SLC4A5: variants seen among roughly 807,000 people sequenced by gnomAD.
SLC4A5 encodes the protein solute carrier family 4 member 5.
A neutral mutation model predicts 120.4 loss-of-function variants in SLC4A5; 96 were observed. The observed-to-expected ratio is 0.80, with a 90% CI of 0.68 to 0.94. The LOEUF is 0.94. Among genes scored for constraint, SLC4A5 ranks in the 40% least tolerant of loss-of-function variants. The probability of loss-of-function intolerance (pLI) is 0.00; values close to 1 mark genes in which losing one functional copy is unlikely to be tolerated. For missense variants in SLC4A5, 1,259 were observed against 1,459.5 expected (o/e 0.86, Z 2.24); for synonymous variants, 550 against 571.1 (o/e 0.96, Z 0.53).
chr2:74,328,316 G>C (rs1481988396), intron 4 of SLC4A5, 130 bp from the exon 5 acceptor site: 2 of 316,826 alleles, frequency 6.3e-6, no homozygotes, highest in African/African-American at 4.5e-5. Flanking sequence ...GCTCCTGCAG[G>C]GTCAGGGATG....
intron 5 of SLC4A5, among the ~76,000 whole-genome samples, chr2:74,320,413 A>G (rs532630582): frequency 6.6e-6 from 1 of 152,318 alleles, no homozygotes; most frequent in African/African-American, 2.4e-5. Context: ...GAAAAAAATA[A>G]GTCATCTACC....
chr2:74,340,127 A>T (rs905157285), intron 2 of SLC4A5, among the ~76,000 whole-genome samples: 2 of 152,354 alleles, frequency 1.3e-5, no homozygotes, highest in African/African-American at 4.8e-5. Flanking sequence ...TGATGGTTGT[A>T]TTACAGAACA....
intron 8 of SLC4A5, among the ~76,000 whole-genome samples, chr2:74,275,831 GTGAGGAGACTGAGACCCTTAGAGGA>G: frequency 6.6e-6 from 1 of 152,300 alleles, no homozygotes; most frequent in South Asian, 2.1e-4. Flanking sequence ...CATTGTACAG[GTGAGGAGACTGAGACCCTTAGAGGA>G]TGAGGAGCCT....
At chr2:74,272,941 T>C (rs1053322729) in intron 8 of SLC4A5, among the ~76,000 whole-genome samples, 1 of 152,240 alleles carries the variant, frequency 6.6e-6, no homozygotes, top group African/African-American at 2.4e-5. Flanking sequence ...TCTATTCTAG[T>C]TGTCTCCTCA....
chr2:74,260,234 C>T (rs560498319), intron 11 of SLC4A5, among the ~76,000 whole-genome samples: 2 of 152,308 alleles, frequency 1.3e-5, no homozygotes, highest in South Asian at 2.1e-4. Flanking sequence ...ATCTGGTGGA[C>T]ACCCTCAGAC....
intron 8 of SLC4A5, among the ~76,000 whole-genome samples, chr2:74,271,588 C>G (rs535476451): frequency 9.9e-5 from 15 of 152,136 alleles, no homozygotes; most frequent in African/African-American, 3.1e-4. Context: ...TGGTATATAA[C>G]AAATGCCAAA....
At chr2:74,267,654 G>A (rs902776435) in intron 8 of SLC4A5, among the ~76,000 whole-genome samples, 4 of 152,298 alleles carry the variant, frequency 2.6e-5, no homozygotes, top group South Asian at 2.1e-4. Context: ...TTGTTGGGGC[G>A]GGATTTAAGA....
chr2:74,272,309 T>A (rs1671499041), intron 8 of SLC4A5, among the ~76,000 whole-genome samples: 1 of 152,192 alleles, frequency 6.6e-6, no homozygotes. Context: ...TTTGTATAAA[T>A]TTGAATTTTC....
chr2:74,281,037 C>CTTCTG (rs1671797731), intron 8 of SLC4A5, among the ~76,000 whole-genome samples: 1 of 152,202 alleles, frequency 6.6e-6, no homozygotes, highest in African/African-American at 2.4e-5. Flanking sequence ...GATAGTTCAG[C>CTTCTG]TTTCTCCATC....
chr2:74,291,112 C>T (rs1672153146), intron 7 of SLC4A5, among the ~76,000 whole-genome samples: 2 of 152,186 alleles, frequency 1.3e-5, no homozygotes, highest in Admixed American at 6.5e-5. Context: ...TGGTTTCTTT[C>T]CTCCCCAACT....
chr2:74,257,033 A>T (rs1670989301), intron 12 of SLC4A5, among the ~76,000 whole-genome samples: 1 of 152,138 alleles, frequency 6.6e-6, no homozygotes. Flanking sequence ...AGCCTCAGTG[A>T]AGACACAGCT....
intron 17 of SLC4A5, among the ~76,000 whole-genome samples, 170 bp downstream of exon 17, chr2:74,250,173 T>C (rs1348138216): frequency 6.6e-6 from 1 of 152,190 alleles, no homozygotes; most frequent in Non-Finnish European, 1.5e-5. Context: ...TCTTTTAATA[T>C]TGTCTTATTA....
intron 11 of SLC4A5, among the ~76,000 whole-genome samples, chr2:74,261,204 C>A (rs1671123735): frequency 6.6e-6 from 1 of 152,224 alleles, no homozygotes; most frequent in African/African-American, 2.4e-5. Flanking sequence ...TGGTTCCCAC[C>A]CCTAAGCAGT....
intron 21 of SLC4A5, among the ~76,000 whole-genome samples, chr2:74,236,576 A>C (rs981603418): frequency 2.6e-5 from 4 of 152,188 alleles, no homozygotes; most frequent in African/African-American, 9.7e-5. Flanking sequence ...CTGTAAGTCA[A>C]TTCCAAAAGT....
chr2:74,272,964 G>GT (rs1395564837), intron 8 of SLC4A5, among the ~76,000 whole-genome samples: 1 of 152,196 alleles, frequency 6.6e-6, no homozygotes, highest in Non-Finnish European at 1.5e-5. Flanking sequence ...TGGAAACTTC[G>GT]TAACTCCCAC....
At chr2:74,237,075 C>T (rs1401191439) in intron 21 of SLC4A5, among the ~76,000 whole-genome samples, 1 of 150,914 alleles carries the variant, frequency 6.6e-6, no homozygotes, top group African/African-American at 2.4e-5. Context: ...CTCCCGGGTT[C>T]ATGCCATTCT....
intron 19 of SLC4A5, among the ~76,000 whole-genome samples, chr2:74,245,765 C>T (rs1400073983): frequency 6.6e-6 from 1 of 152,222 alleles, no homozygotes; most frequent in Non-Finnish European, 1.5e-5. Flanking sequence ...GTAGGGCATA[C>T]AATAATTGTG....
intron 7 of SLC4A5, among the ~76,000 whole-genome samples, chr2:74,291,565 A>G (rs1474765368): frequency 6.6e-6 from 1 of 152,228 alleles, no homozygotes; most frequent in East Asian, 1.9e-4. Flanking sequence ...CTCCCCCTAC[A>G]CTGCCCCATT....
chr2:74,326,676 G>C (rs13425825), intron 5 of SLC4A5, among the ~76,000 whole-genome samples: 5,768 of 152,140 alleles, frequency 0.038, 382 homozygotes, highest in African/African-American at 0.13. Context: ...AAAATTAGCC[G>C]AGTGTGGTGG....
Sources: allele counts gnomAD v4.1 joint callset (sites outside exome capture counted in the v4.1 genomes callset), GRCh38; gene constraint gnomAD v4.1.1; transcripts MANE v1.5; gene names NCBI Gene and HGNC (gene_info 2026-07-23, HGNC 2026-07-21).